Variants in KCNQ5 observed in about 807,000 individuals in gnomAD.
KCNQ5 encodes the protein potassium voltage-gated channel subfamily KQT member 5.
In KCNQ5, 30 loss-of-function variants were observed where a neutral mutation model predicts 98.2. The ratio of observed to expected loss-of-function variants is 0.31; its 90% CI spans 0.23 to 0.41. The LOEUF (loss-of-function observed/expected upper bound fraction) is 0.41, where lower values mean the gene tolerates loss of function less well. Among genes scored for constraint, KCNQ5 ranks in the 10% least tolerant of loss-of-function variants. KCNQ5 has a pLI of 1.00. For missense variants in KCNQ5, 835 were observed against 1,182.5 expected, an observed-to-expected ratio of 0.71 and a Z score of 4.31; for synonymous variants, 458 against 449.4, an observed-to-expected ratio of 1.02 and a Z score of -0.24.
intron 1 of KCNQ5, among the ~76,000 whole-genome samples, chr6:72,725,684 C>CA (rs1025388123): frequency 3.3e-5 from 5 of 151,582 alleles, no homozygotes; most frequent in South Asian, 2.1e-4. Context: ...GTTTTCACCA[C>CA]AAAAAAAATG....
chr6:72,708,467 T>C (rs1232243122), intron 1 of KCNQ5, among the ~76,000 whole-genome samples: 1 of 152,206 alleles, frequency 6.6e-6, no homozygotes, highest in Non-Finnish European at 1.5e-5. Context: ...CGAATTTTAC[T>C]CTATTGCAAA....
chr6:72,998,619 C>T (rs576682237), intron 1 of KCNQ5, among the ~76,000 whole-genome samples: 8 of 152,102 alleles, frequency 5.3e-5, no homozygotes, highest in African/African-American at 1.9e-4. Context: ...TGCCTGTAGT[C>T]CCAGCTACTC....
chr6:72,718,819 A>G (rs1225279358), intron 1 of KCNQ5, among the ~76,000 whole-genome samples: 3 of 152,126 alleles, frequency 2.0e-5, no homozygotes, highest in Admixed American at 6.5e-5. Context: ...GAGAGACTAA[A>G]CAAATGATAG....
At chr6:73,152,031 C>T (rs994831820) in intron 10 of KCNQ5, among the ~76,000 whole-genome samples, 2 of 152,146 alleles carry the variant, frequency 1.3e-5, no homozygotes, top group South Asian at 2.1e-4. Flanking sequence ...ACTCCTGTTG[C>T]GTCTCTCTGT....
intron 1 of KCNQ5, among the ~76,000 whole-genome samples, chr6:72,795,847 C>T (rs745564053): frequency 6.6e-6 from 1 of 152,000 alleles, no homozygotes; most frequent in Non-Finnish European, 1.5e-5. Context: ...CAGTTTAAAA[C>T]GTTCATTGAA....
intron 1 of KCNQ5, among the ~76,000 whole-genome samples, chr6:72,962,638 G>A (rs1018977423): frequency 2.0e-5 from 3 of 152,326 alleles, no homozygotes; most frequent in Non-Finnish European, 4.4e-5. Context: ...AAGGTTGTTA[G>A]AGATGGAAAC....
intron 3 of KCNQ5, among the ~76,000 whole-genome samples, chr6:73,049,826 A>G (rs1772136521): frequency 6.6e-6 from 1 of 152,152 alleles, no homozygotes. Flanking sequence ...TTAATAAGCC[A>G]TGTGATATGA....
chr6:72,872,950 T>C (rs1413354232), intron 1 of KCNQ5, among the ~76,000 whole-genome samples: 1 of 152,106 alleles, frequency 6.6e-6, no homozygotes, highest in African/African-American at 2.4e-5. Flanking sequence ...CAGATAGCTC[T>C]TCTACTAAAA....
At chr6:72,960,406 T>A (rs987029163) in intron 1 of KCNQ5, among the ~76,000 whole-genome samples, 3 of 152,022 alleles carry the variant, frequency 2.0e-5, no homozygotes, top group African/African-American at 7.2e-5. Context: ...CAAATACATT[T>A]GTTGTTGTTG....
chr6:73,056,563 T>C (rs748268315), intron 3 of KCNQ5, among the ~76,000 whole-genome samples: 1 of 152,052 alleles, frequency 6.6e-6, no homozygotes, highest in Non-Finnish European at 1.5e-5. Context: ...CAGGAGTGCT[T>C]CATGCTGTGT....
At chr6:72,724,664 A>G (rs1687563378) in intron 1 of KCNQ5, among the ~76,000 whole-genome samples, 1 of 152,174 alleles carries the variant, frequency 6.6e-6, no homozygotes, top group South Asian at 2.1e-4. Flanking sequence ...CTCTCTTGAG[A>G]GATTTATGCC....
chr6:72,908,104 T>C (rs1020288458), intron 1 of KCNQ5, among the ~76,000 whole-genome samples: 1 of 152,098 alleles, frequency 6.6e-6, no homozygotes, highest in African/African-American at 2.4e-5. Context: ...TAAATTGCTT[T>C]CTACTAGTCT....
intron 1 of KCNQ5, among the ~76,000 whole-genome samples, chr6:72,956,748 G>T (rs1165342040): frequency 6.6e-6 from 1 of 151,570 alleles, no homozygotes; most frequent in Non-Finnish European, 1.5e-5. Context: ...CAAAACCTAT[G>T]TATTCAACAG....
At chr6:72,976,081 TA>T (rs1768148631) in intron 1 of KCNQ5, among the ~76,000 whole-genome samples, 1 of 152,198 alleles carries the variant, frequency 6.6e-6, no homozygotes, top group Non-Finnish European at 1.5e-5. Flanking sequence ...AACAAAAAAA[TA>T]GCTTTTTGTT....
chr6:72,752,063 G>A (rs530143134), intron 1 of KCNQ5, among the ~76,000 whole-genome samples: 107 of 152,204 alleles, frequency 7.0e-4, no homozygotes, highest in Non-Finnish European at 1.1e-3. Flanking sequence ...TTGGGGGTAA[G>A]CTATCTCCAT....
At chr6:72,754,987 G>A (rs988002092) in intron 1 of KCNQ5, among the ~76,000 whole-genome samples, 39 of 151,406 alleles carry the variant, frequency 2.6e-4, no homozygotes, top group Admixed American at 1.2e-3. Context: ...TTTTATTCAT[G>A]TCTGTTAGTT....
At chr6:72,679,420 G>A (rs1767580568) in intron 1 of KCNQ5, among the ~76,000 whole-genome samples, 1 of 152,078 alleles carries the variant, frequency 6.6e-6, no homozygotes, top group South Asian at 2.1e-4. Context: ...CATGTCCTTT[G>A]CATGGACATG....
chr6:72,676,383 T>C (rs1767406344), intron 1 of KCNQ5, among the ~76,000 whole-genome samples: 1 of 152,216 alleles, frequency 6.6e-6, no homozygotes, highest in African/African-American at 2.4e-5. Flanking sequence ...TATTTTACTC[T>C]ATTATAACCT....
chr6:73,133,467 G>A lies in KCNQ5; in HGVS notation c.1294G>A (p.Gly432Ser). The A allele has an allele frequency of 6.2e-7, 1 of 1,614,068 alleles. No individual in the cohort carries two copies. Among genetic ancestry groups the A allele is most frequent in the Non-Finnish European group, 8.5e-7 (1 of 1,180,020 alleles). The change falls in exon 10 of 14, where the codon GGC becomes AGC. Residue 432 changes from glycine (G) to serine (S), a missense_variant. By Grantham distance (56) the Gly-to-Ser change is moderately conservative. Around this residue, in one of 10 missense-constraint regions of KCNQ5, gnomAD observed 146 missense variants for 256.7 expected, o/e 0.57. Coordinates refer to ENST00000370398, the MANE Select transcript of KCNQ5 (RefSeq NM_019842.4). ...GCGAGTGCGCATGGCTAGCCCCAGG[G>A]GCCAGAGTATTAAGAGCCGACAAGC... is the stretch of plus-strand genomic sequence containing the variant. ...KERVRMASPRGQSIKSRQASV... is the reference protein window; with the variant it reads ...KERVRMASPRSQSIKSRQASV...
Sources: gnomAD v4.1 joint callset for allele counts (sites outside exome capture counted in the v4.1 genomes callset) on GRCh38, gnomAD v4.1.1 for gene constraint, gnomAD v4.1.1 regional missense constraint, MANE v1.5 for transcripts, NCBI Gene and HGNC (gene_info 2026-07-23, HGNC 2026-07-21) for gene names.